UNC79: variants seen among roughly 807,000 people sequenced by gnomAD.
UNC79 encodes protein unc-79 homolog.
Under a neutral mutation model 283.1 loss-of-function variants are expected in UNC79, and 37 were observed. The ratio of observed to expected loss-of-function variants is 0.13; its 90% CI spans 0.10 to 0.17. The LOEUF is 0.17. Among genes scored for constraint, UNC79 ranks in the 10% least tolerant of loss-of-function variants. The probability of loss-of-function intolerance (pLI) is 1.00; values close to 1 mark genes in which losing one functional copy is unlikely to be tolerated. For synonymous variants in UNC79, 1,107 were observed against 1,200.2 expected (o/e 0.92, Z 1.61); for missense variants, 2,272 against 3,211.1 (o/e 0.71, Z 7.07).
At chr14:93,482,486 A>G (rs766168561) in intron 4 of UNC79, among the ~76,000 whole-genome samples, 11 of 152,058 alleles carry the variant, frequency 7.2e-5, no homozygotes, top group Non-Finnish European at 1.6e-4. Flanking sequence ...CTTAAACCCT[A>G]TCTCATGGAA....
At chr14:93,560,800 A>G (rs574946206) in intron 14 of UNC79, among the ~76,000 whole-genome samples, 106 of 152,184 alleles carry the variant, frequency 7.0e-4, no homozygotes, top group African/African-American at 2.4e-3. Context: ...ATGAGAAGGA[A>G]TGCTGAAAGG....
At chr14:93,386,967 A>C (rs1041785335) in intron 1 of UNC79, among the ~76,000 whole-genome samples, 2 of 31,904 alleles carry the variant, frequency 6.3e-5, no homozygotes, top group African/African-American at 1.3e-4. Flanking sequence ...TTTGAGACGG[A>C]GTTTTGCTCT....
intron 7 of UNC79, among the ~76,000 whole-genome samples, chr14:93,513,828 A>G (rs1215181486): frequency 1.3e-5 from 2 of 152,168 alleles, no homozygotes; most frequent in Non-Finnish European, 1.5e-5. Flanking sequence ...TCTCTTCCCA[A>G]GGACTTAAAT....
intron 1 of UNC79, among the ~76,000 whole-genome samples, chr14:93,462,369 T>C (rs1405300976): frequency 6.6e-6 from 1 of 151,980 alleles, no homozygotes; most frequent in Non-Finnish European, 1.5e-5. Context: ...CGACGTTAGG[T>C]TGGAAGGTAG....
Position 93,647,127 on chromosome 14 carries a change from GTA to G in UNC79, c.6083+482_6083+483del, listed in dbSNP as rs538995694. 3.2e-3 allele frequency among the ~76,000 whole-genome samples: 480 copies of G among 152,276 alleles called. 1 individual carries two copies. The highest frequency in any genetic ancestry group is 5.0e-3 in the Non-Finnish European group (337 of 68,026). On this transcript the variant is annotated intron_variant, in intron 35 of 48. Coordinates refer to ENST00000555664, the Ensembl canonical transcript of UNC79. The stretch of plus-strand genomic sequence containing the variant: ...AAAATATTTGCACAAATTTATAATT[GTA>G]AACTGTGCTAAGTGCTATGAAGAAA...
chr14:93,364,193 T>C (rs2054282588), intron 1 of UNC79, among the ~76,000 whole-genome samples: 1 of 152,096 alleles, frequency 6.6e-6, no homozygotes, highest in African/African-American at 2.4e-5. Flanking sequence ...TGCAACCAGC[T>C]CCCAGAGCAA....
At position 93,618,295 on chromosome 14, in the gene UNC79, C is replaced by T. The variant is rs34816083; in HGVS notation, c.4328C>T (p.Thr1443Met). ...TATCATAGCTGCAAGCCCCATGCCACGGCAGGACCTTTGTACAGTGACAAC... is the reference window on the plus strand; with the variant it reads ...TATCATAGCTGCAAGCCCCATGCCATGGCAGGACCTTTGTACAGTGACAAC... The change falls in exon 29 of 49, where the codon ACG becomes ATG. Residue 1443 changes from threonine (T) to methionine (M), a missense_variant. By Grantham distance (81) the Thr-to-Met change is moderately conservative. Coordinates refer to ENST00000555664, the Ensembl canonical transcript of UNC79. 237 of 1,613,956 alleles carry T rather than the reference C, an allele frequency of 1.5e-4. No individual in the cohort carries two copies. In the African/African-American group the frequency reaches 2.2e-3, roughly 15 times the overall value.
chr14:93,622,983 T>C, intron 30 of UNC79, 142 bp downstream of exon 32: 1 of 1,131,222 alleles, frequency 8.8e-7, no homozygotes, highest in Non-Finnish European at 1.2e-6. Flanking sequence ...TCAATCACTC[T>C]GAATCCTTCC....
chr14:93,683,544 C>A (rs1387760721), intron 42 of UNC79, among the ~76,000 whole-genome samples: 4 of 152,202 alleles, frequency 2.6e-5, no homozygotes, highest in African/African-American at 9.7e-5. Context: ...GTCTCTGCTG[C>A]ATGCTCGCTG....
chr14:93,506,880 C>A (rs953159986), intron 7 of UNC79, among the ~76,000 whole-genome samples: 4 of 152,174 alleles, frequency 2.6e-5, no homozygotes, highest in African/African-American at 9.7e-5. Context: ...TCCATCAACC[C>A]AGAAAATAAT....
At chr14:93,528,518 A>T (rs760760839) in intron 8 of UNC79, 40 bp from the exon 9 acceptor site, 1 of 1,580,046 alleles carries the variant, frequency 6.3e-7, no homozygotes, top group African/African-American at 1.3e-5. Flanking sequence ...TGTGATACCC[A>T]GGAACAGGAG....
intron 42 of UNC79, among the ~76,000 whole-genome samples, chr14:93,685,766 C>T (rs74073874): frequency 9.9e-5 from 15 of 152,184 alleles, no homozygotes; most frequent in Admixed American, 9.2e-4. Context: ...TTCTCTCATA[C>T]GGCTTTGATA....
exon 18 of UNC79, chr14:93,577,881 A>T: frequency 6.2e-7 from 1 of 1,614,200 alleles, no homozygotes; most frequent in Non-Finnish European, 8.5e-7. Context: ...AGTTCAGCAC[A>T]ATATGCTTAG....
intron 1 of UNC79, among the ~76,000 whole-genome samples, chr14:93,390,316 C>A (rs1268344284): frequency 6.6e-6 from 1 of 152,050 alleles, no homozygotes; most frequent in Non-Finnish European, 1.5e-5. Flanking sequence ...AAGAGAATAT[C>A]CTCAACCTGA....
upstream of UNC79, among the ~76,000 whole-genome samples, chr14:93,429,238 C>G (rs2055797573): frequency 6.6e-6 from 1 of 152,182 alleles, no homozygotes; most frequent in Non-Finnish European, 1.5e-5. Flanking sequence ...TCAGAACGAA[C>G]TCTTTGGCAT....
rs575346150 is a variant in UNC79, at chr14:93,536,598, C to A, written c.1123-1391C>A. 1.9e-4 allele frequency among the ~76,000 whole-genome samples: 29 copies of A among 152,142 alleles called. 1 individual carries two copies. The South Asian group carries it at 5.4e-3, about 28-fold the overall frequency. ...GGGCTCTTATGTCTCAATTTATAAA[C>A]CTGCTTCATTAAACGTGAGTCAAAT... On this transcript the variant is annotated intron_variant, in intron 11 of 48. Transcript: ENST00000555664.
At chr14:93,519,483 T>C (rs2060222551) in intron 7 of UNC79, among the ~76,000 whole-genome samples, 1 of 151,854 alleles carries the variant, frequency 6.6e-6, no homozygotes, top group Non-Finnish European at 1.5e-5. Flanking sequence ...TCTTTGCCTT[T>C]TAGACCATTT....
chr14:93,570,369 G>C (rs1299196045), intron 14 of UNC79, among the ~76,000 whole-genome samples: 1 of 152,102 alleles, frequency 6.6e-6, no homozygotes, highest in Non-Finnish European at 1.5e-5. Context: ...TGTGTTCCAG[G>C]GCTTCTGAAT....
chr14:93,617,362 C>G lies in UNC79; in HGVS notation c.4224+58C>G. Reference sequence around the variant, plus strand: ...AATGGTTCTCTTAGAGAGCATATAGCATTAGGAGAACACCTGAGTCTTTAG... The same window carrying G: ...AATGGTTCTCTTAGAGAGCATATAGGATTAGGAGAACACCTGAGTCTTTAG... On this transcript the variant is annotated intron_variant, in intron 28 of 48. Coordinates refer to ENST00000555664, the Ensembl canonical transcript of UNC79. The surrounding 1 kb of genome is among the most constrained non-coding windows in gnomAD (Gnocchi z 4.5). The G allele has an allele frequency of 6.5e-7, 1 of 1,541,168 alleles. No homozygotes were observed. Among genetic ancestry groups the G allele is most frequent in the South Asian group, 1.3e-5 (1 of 79,012 alleles).
Sources: gnomAD v4.1 joint callset for allele counts (sites outside exome capture counted in the v4.1 genomes callset) on GRCh38, gnomAD v4.1.1 for gene constraint, Gnocchi (gnomAD v3.1) non-coding constraint, MANE v1.5 for transcripts, NCBI Gene and HGNC (gene_info 2026-07-23, HGNC 2026-07-21) for gene names.